The following KCNT1 variants were observed in gnomAD, a reference collection of about 807,000 sequenced individuals.
The protein encoded by KCNT1 is potassium channel subfamily T member 1.
In KCNT1, 78 loss-of-function variants were observed where a neutral mutation model predicts 147.8. That is an observed-to-expected ratio of 0.53 (90% CI 0.44 to 0.64). The LOEUF is 0.64. KCNT1 is among the 30% of genes least tolerant of loss of function. The pLI is 0.00. For synonymous variants in KCNT1, 867 were observed against 748.8 expected (o/e 1.16, Z -2.58); for missense variants, 1,419 against 1,750.3 (o/e 0.81, Z 3.38).
rs72770378 is a variant in KCNT1 at position 135,762,927 on chromosome 9, C to A, written c.1036-2104C>A. ...GTGACCGACAGCCCAGCAGCCTGCACGCAGAGGTGTCACTGTAGCTCGAGC... is the reference window on the plus strand; with the variant it reads ...GTGACCGACAGCCCAGCAGCCTGCAAGCAGAGGTGTCACTGTAGCTCGAGC... On this transcript the variant is annotated intron_variant, in intron 11 of 30. Transcript: ENST00000371757. Among the ~76,000 whole-genome samples, 39 of 152,356 alleles carry A rather than the reference C, an allele frequency of 2.6e-4. No individual in the cohort carries two copies. In the East Asian group the frequency reaches 5.8e-3, roughly 23 times the overall value.
chr9:135,779,472 T>A lies in KCNT1; in HGVS notation c.2841+2T>A, dbSNP rs1833444447. 6.3e-7 allele frequency: 1 copy of A among 1,598,262 alleles called. No individual in the cohort carries two copies. The highest frequency in any genetic ancestry group is 8.6e-7 in the Non-Finnish European group (1 of 1,166,030). ...CTGGCTCTTTCCAAACTAGAAAAGGTGAGCAGCCCTGCCCCGTGCCAGCTG... is the reference window on the plus strand; with the variant it reads ...CTGGCTCTTTCCAAACTAGAAAAGGAGAGCAGCCCTGCCCCGTGCCAGCTG... On this transcript the variant is annotated splice_donor_variant, in intron 24 of 30. Transcript: ENST00000371757. LOFTEE classifies it high-confidence loss of function.
intron 1 of KCNT1, among the ~76,000 whole-genome samples, chr9:135,708,845 A>G (rs1835360681): frequency 6.6e-6 from 1 of 152,228 alleles, no homozygotes; most frequent in Admixed American, 6.5e-5. Flanking sequence ...ATGCTGGACC[A>G]CAAGCAATGT....
chr9:135,783,841 G>A (rs775434903), intron 24 of KCNT1, among the ~76,000 whole-genome samples, 183 bp from the exon 25 acceptor site: 5 of 152,258 alleles, frequency 3.3e-5, no homozygotes, highest in Non-Finnish European at 7.3e-5. Flanking sequence ...GTTCAGGCCT[G>A]CCGGTGTATG....
chr9:135,764,664 G>T (rs1270513069), intron 11 of KCNT1, among the ~76,000 whole-genome samples: 1 of 152,140 alleles, frequency 6.6e-6, no homozygotes, highest in South Asian at 2.1e-4. Context: ...TGACAGTGAG[G>T]CCTGCGAGTG....
intron 2 of KCNT1, among the ~76,000 whole-genome samples, chr9:135,732,024 A>AGAGGGAGAGG (rs1208253390): frequency 6.1e-5 from 4 of 65,118 alleles, no homozygotes; most frequent in Admixed American, 1.6e-4. Context: ...AGAGAGAGAG[A>AGAGGGAGAGG]GAGAGAGAGA....
chr9:135,779,204 A>C, intron 23 of KCNT1, among the ~76,000 whole-genome samples, 155 bp from the exon 24 acceptor site: 1 of 111,536 alleles, frequency 9.0e-6, no homozygotes, highest in African/African-American at 4.0e-5. Flanking sequence ...CTGCCCTGAG[A>C]CCCCCATAGC....
intron 6 of KCNT1, 132 bp downstream of exon 6, chr9:135,755,301 A>T: frequency 1.5e-6 from 1 of 659,834 alleles, no homozygotes; most frequent in Non-Finnish European, 2.4e-6. Context: ...AGTAAATGCT[A>T]AGAACAAACC....
At chr9:135,778,667 G>A in intron 22 of KCNT1, 21 bp from the exon 23 acceptor site, 1 of 1,613,048 alleles carries the variant, frequency 6.2e-7, no homozygotes, top group Admixed American at 1.7e-5. Flanking sequence ...CTCAGCCACG[G>A]GCCCTCGGTC....
rs1294435223 is a variant in KCNT1, at chr9:135,786,350, C to G, written c.3331C>G (p.Gln1111Glu). 1 of 1,586,454 alleles carries G rather than the reference C, an allele frequency of 6.3e-7. No individual in the cohort carries two copies. The highest frequency in any genetic ancestry group is 1.1e-5 in the South Asian group (1 of 88,114). ...CCCACTGCTACGGCGCAAGAGCCTG[C>G]AGTGGGCCCGGAGGCTGAGCCGCAA... ...EHPLLRRKSL[Q>E]WARRLSRKAP... Residue 1111 changes from glutamine (Q) to glutamate (E), a missense_variant, in exon 29 of 31, where the codon CAG (glutamine) becomes GAG (glutamate). By Grantham distance (29) the Gln-to-Glu change is conservative. Coordinates refer to ENST00000371757, the MANE Select transcript of KCNT1 (RefSeq NM_020822.3).
chr9:135,753,568 C>T (rs1831311879), intron 4 of KCNT1, among the ~76,000 whole-genome samples: 1 of 152,202 alleles, frequency 6.6e-6, no homozygotes, highest in African/African-American at 2.4e-5. Flanking sequence ...CACATGCTCT[C>T]TCTGGCCATG....
chr9:135,748,774 AG>A (rs1830982373), intron 2 of KCNT1, among the ~76,000 whole-genome samples: 1 of 152,208 alleles, frequency 6.6e-6, no homozygotes, highest in South Asian at 2.1e-4. Context: ...TGCACTGGGC[AG>A]GGGGCCCATG....
At chr9:135,704,388 C>G (rs1188587684) in intron 1 of KCNT1, among the ~76,000 whole-genome samples, 5 of 152,354 alleles carry the variant, frequency 3.3e-5, no homozygotes, top group Non-Finnish European at 5.9e-5. Context: ...GAGTCAGCCT[C>G]AAGGCCATCA....
In KCNT1 at chr9:135,752,245, TG is replaced by T; in HGVS notation, c.434+1208del. The stretch of plus-strand genomic sequence containing the variant: ...GCCTGACTGCCGGGAGCCTGGCTTC[TG>T]GGGACCTAAAGGCGTCCATGTAAAC... On this transcript the variant is annotated intron_variant, in intron 4 of 30. Coordinates refer to ENST00000371757, the MANE Select transcript of KCNT1 (RefSeq NM_020822.3). The surrounding 1 kb of genome is among the most constrained non-coding windows in gnomAD (Gnocchi z 5.1). 2 of 404,118 alleles carry T rather than the reference TG, an allele frequency of 4.9e-6. No individual in the cohort carries two copies. Among genetic ancestry groups the T allele is most frequent in the South Asian group, 3.6e-5 (2 of 55,856 alleles). The allele number at this position is 404,118 out of a possible 1,614,324, so 25.0% of individuals were successfully genotyped here. A position where few individuals can be genotyped will look rare whatever the true frequency, so the allele number is the denominator to read the frequency against.
At chr9:135,743,079 G>A (rs189090931) in intron 2 of KCNT1, among the ~76,000 whole-genome samples, 5 of 152,250 alleles carry the variant, frequency 3.3e-5, no homozygotes, top group Non-Finnish European at 5.9e-5. Context: ...CAGGAGAGGC[G>A]GATGGCAGAG....
Position 135,772,725 on chromosome 9 carries a change from C to A in KCNT1, c.2019C>A (p.Ala673=). The A allele has an allele frequency of 7.1e-7, 1 of 1,404,984 alleles. No homozygotes were observed. The highest frequency in any genetic ancestry group is 1.6e-5 in the South Asian group (1 of 61,434). The allele number at this position is 1,404,984 out of a possible 1,614,324, so 87.0% of individuals were successfully genotyped here. The change falls in exon 19 of 31, where the codon GCC becomes GCA. Residue 673 remains alanine, a synonymous_variant. Coordinates refer to ENST00000371757, the MANE Select transcript of KCNT1 (RefSeq NM_020822.3). The part of the protein sequence containing the change: ...HSIIASMGTV[A]MDLQGTEHRP... Reference sequence around the variant, plus strand: ...AGGGCTCTCTTCCAGGGACAGTGGCCATGGACCTGCAGGGCACAGAGCACC... The same window carrying A: ...AGGGCTCTCTTCCAGGGACAGTGGCAATGGACCTGCAGGGCACAGAGCACC...
intron 6 of KCNT1, among the ~76,000 whole-genome samples, chr9:135,756,597 C>T (rs997783677): frequency 2.0e-5 from 3 of 152,200 alleles, no homozygotes; most frequent in Non-Finnish European, 4.4e-5. Flanking sequence ...TCTTCCTGAG[C>T]GTCCTGCCTC....
intron 24 of KCNT1, among the ~76,000 whole-genome samples, chr9:135,780,379 G>A (rs969716300): frequency 1.3e-5 from 2 of 152,194 alleles, no homozygotes; most frequent in Middle Eastern, 3.2e-3. Flanking sequence ...AGCCAGGCCC[G>A]GCCTGGCCAC....
At chr9:135,726,597 C>T (rs1836152033) in intron 2 of KCNT1, among the ~76,000 whole-genome samples, 1 of 152,084 alleles carries the variant, frequency 6.6e-6, no homozygotes, top group African/African-American at 2.4e-5. Context: ...AGATCAGACT[C>T]TGCCAAGGCC....
At position 135,778,669 on chromosome 9, in the gene KCNT1, C is replaced by T; in HGVS notation, c.2595-19C>T. 1 of 1,613,144 alleles carries T rather than the reference C, an allele frequency of 6.2e-7. No homozygotes were observed. The highest frequency in any genetic ancestry group is 1.1e-5 in the South Asian group (1 of 91,058). On this transcript the variant is annotated intron_variant, in intron 22 of 30. Transcript: ENST00000371757. ...AGTGGGCCGCATCCTCAGCCACGGG[C>T]CCTCGGTCCCGCCACCAGCCTGGAC... is the stretch of plus-strand genomic sequence containing the variant.
Sources: allele counts gnomAD v4.1 joint callset (sites outside exome capture counted in the v4.1 genomes callset), GRCh38; gene constraint gnomAD v4.1.1; non-coding constraint Gnocchi (gnomAD v3.1); transcripts MANE v1.5; gene names NCBI Gene and HGNC (gene_info 2026-07-23, HGNC 2026-07-21).